TMIE: variants seen among roughly 807,000 people sequenced by gnomAD.
TMIE encodes the protein transmembrane inner ear expressed protein.
Under a neutral mutation model 16.8 loss-of-function variants are expected in TMIE, and 14 were observed. That is an observed-to-expected ratio of 0.83 (90% confidence interval 0.55 to 1.30). The LOEUF is 1.30. Ranked by LOEUF, TMIE falls within the 50% of genes most tolerant of loss-of-function variation. TMIE has a pLI of 0.00. For synonymous variants in TMIE, 75 were observed against 87.2 expected (o/e 0.86, Z 0.78); for missense variants, 204 against 205.9 (o/e 0.99, Z 0.06).
At position 46,702,412 on chromosome 3, in the gene TMIE, GC is replaced by G. The variant is rs770233326; in HGVS notation, c.93+834del. ...GCCAGGAAGGGTGGGGCCATCTGTA[GC>G]CTCCCTAACCCCCTTGTACCCCACT... On this transcript the variant is annotated intron_variant, in intron 1 of 3. Coordinates refer to ENST00000643606, the MANE Select transcript of TMIE (RefSeq NM_147196.3). Among the ~76,000 whole-genome samples the G allele has an allele frequency of 8.5e-5, 13 of 152,232 alleles. No individual in the cohort carries two copies. In the East Asian group the frequency reaches 2.1e-3, roughly 25 times the overall value.
At chr3:46,702,850 AG>A (rs1700494626) in intron 1 of TMIE, among the ~76,000 whole-genome samples, 1 of 151,922 alleles carries the variant, frequency 6.6e-6, no homozygotes, top group Non-Finnish European at 1.5e-5. Context: ...CTGTAAGGGG[AG>A]CTATGCTGGC....
intron 1 of TMIE, among the ~76,000 whole-genome samples, chr3:46,704,531 C>T (rs1452266815): frequency 4.4e-5 from 6 of 136,664 alleles, no homozygotes; most frequent in Non-Finnish European, 7.7e-5. Flanking sequence ...AGGGCAGGAC[C>T]GTGTCCCCTA....
At chr3:46,705,721 G>T in intron 1 of TMIE, 69 bp from the exon 2 acceptor site, 1 of 1,348,724 alleles carries the variant, frequency 7.4e-7, no homozygotes. Flanking sequence ...GCTGAGACCT[G>T]GGCCCTTCTC....
At chr3:46,699,567 A>C (rs1700446393), upstream of TMIE, among the ~76,000 whole-genome samples, 1 of 152,202 alleles carries the variant, frequency 6.6e-6, no homozygotes, top group Admixed American at 6.5e-5. Context: ...TCTGGGTACA[A>C]AAGTATACTA....
upstream of TMIE, among the ~76,000 whole-genome samples, chr3:46,698,557 G>A (rs1010887966): frequency 6.6e-6 from 1 of 152,104 alleles, no homozygotes; most frequent in African/African-American, 2.4e-5. Context: ...AAAGGTGTGA[G>A]CCACTGCACC....
intron 1 of TMIE, among the ~76,000 whole-genome samples, chr3:46,702,558 G>A (rs1284508714): frequency 2.6e-5 from 4 of 152,086 alleles, no homozygotes; most frequent in African/African-American, 9.7e-5. Context: ...AGGGGATGGA[G>A]GCTGTGCAGG....
chr3:46,695,921 A>T (rs775178054), intron 1 of TMIE, among the ~76,000 whole-genome samples: 1 of 152,136 alleles, frequency 6.6e-6, no homozygotes, highest in Non-Finnish European at 1.5e-5. Context: ...ATGGGGCAAG[A>T]CCTGCCCAGC....
At chr3:46,708,471 C>T (rs946519113) in intron 2 of TMIE, among the ~76,000 whole-genome samples, 2 of 152,232 alleles carry the variant, frequency 1.3e-5, no homozygotes, top group Non-Finnish European at 2.9e-5. Context: ...CCCTAACCTG[C>T]CCTACCCATC....
chr3:46,701,397 C>A lies in TMIE; in HGVS notation c.-91C>A. On this transcript the variant is annotated 5_prime_UTR_variant, in exon 1 of 4. Coordinates refer to ENST00000643606, the MANE Select transcript of TMIE (RefSeq NM_147196.3). This position sits in a 1 kb window ranked among gnomAD's most constrained non-coding sequence, Gnocchi z 4.3. Reference sequence around the variant, plus strand: ...GCTCGCTGACTACCCGTGGCCAAAGCCCGTGGCCACCGAGCGCCGGCTGGC... The same window carrying A: ...GCTCGCTGACTACCCGTGGCCAAAGACCGTGGCCACCGAGCGCCGGCTGGC... The A allele has an allele frequency of 9.3e-7, 1 of 1,075,710 alleles. No homozygotes were observed. The highest frequency in any genetic ancestry group is 3.1e-5 in the Admixed American group (1 of 32,366). The allele number at this position is 1,075,710 out of a possible 1,614,324, so 66.6% of individuals were successfully genotyped here. A position where few individuals can be genotyped will look rare whatever the true frequency, so the allele number is the denominator to read the frequency against.
upstream of TMIE, among the ~76,000 whole-genome samples, chr3:46,698,789 G>A (rs146555766): frequency 3.9e-5 from 6 of 152,054 alleles, no homozygotes; most frequent in Admixed American, 2.6e-4. Context: ...TGCTACTTTA[G>A]TTTTGTGAAT....
chr3:46,699,309 G>C (rs1159412180), upstream of TMIE, among the ~76,000 whole-genome samples: 1 of 152,138 alleles, frequency 6.6e-6, no homozygotes, highest in Non-Finnish European at 1.5e-5. Flanking sequence ...GACCTCGGGT[G>C]ATCTGCCCAC....
At chr3:46,707,983 G>A (rs2106785405) in intron 2 of TMIE, among the ~76,000 whole-genome samples, 1 of 152,312 alleles carries the variant, frequency 6.6e-6, no homozygotes, top group South Asian at 2.1e-4. Context: ...GTCTGCTCAG[G>A]TCCACCCCTG....
chr3:46,706,719 G>C (rs1439940269), intron 2 of TMIE, among the ~76,000 whole-genome samples: 7 of 152,132 alleles, frequency 4.6e-5, no homozygotes, highest in Non-Finnish European at 4.4e-5. Context: ...GAGGGTAGGT[G>C]GGGTTTTGCA....
chr3:46,700,495 T>C (rs1018452057), upstream of TMIE, among the ~76,000 whole-genome samples: 1 of 152,106 alleles, frequency 6.6e-6, no homozygotes, highest in Non-Finnish European at 1.5e-5. Context: ...GCCCAACACC[T>C]GGGCTGCTTC....
chr3:46,701,122 C>T (rs1700467411), upstream of TMIE, among the ~76,000 whole-genome samples: 1 of 151,788 alleles, frequency 6.6e-6, no homozygotes, highest in Admixed American at 6.6e-5. This position sits in a 1 kb window ranked among gnomAD's most constrained non-coding sequence, Gnocchi z 4.3. Flanking sequence ...CCAGTCCCAC[C>T]CCCTTGTCCC....
chr3:46,695,389 T>A (rs965257809), intron 1 of TMIE, among the ~76,000 whole-genome samples: 1 of 152,180 alleles, frequency 6.6e-6, no homozygotes, highest in Non-Finnish European at 1.5e-5. Context: ...GTAGTGCCCC[T>A]GCTGGTGAAA....
Position 46,709,568 on chromosome 3 carries a change from CT to C in TMIE, c.362-10del. On this transcript the variant is annotated splice_polypyrimidine_tract_variant and intron_variant, in intron 3 of 3. Transcript: ENST00000643606. ...ACCACTATCACATGGTCTCTTCCCCCTGCCCCACAGAGGATAAGAAGAAGAA... is the reference window on the plus strand; with the variant it reads ...ACCACTATCACATGGTCTCTTCCCCCGCCCCACAGAGGATAAGAAGAAGAA... 6.3e-7 allele frequency: 1 copy of C among 1,599,702 alleles called. No individual in the cohort carries two copies.
At chr3:46,696,149 A>T (rs1473848791) in intron 1 of TMIE, among the ~76,000 whole-genome samples, 1 of 152,186 alleles carries the variant, frequency 6.6e-6, no homozygotes, top group East Asian at 1.9e-4. Flanking sequence ...TCCCTGTGCC[A>T]CATGGACCCA....
rs995484275 is a variant in TMIE at position 46,707,330 on chromosome 3, C to T, written c.211+1423C>T. ...GAAAATTGCAGTGTCAGACCCCAAGCGGCACTTGGACATCAACCACACAGA... is the reference window on the plus strand; with the variant it reads ...GAAAATTGCAGTGTCAGACCCCAAGTGGCACTTGGACATCAACCACACAGA... On this transcript the variant is annotated intron_variant, in intron 2 of 3. Coordinates refer to ENST00000643606, the MANE Select transcript of TMIE (RefSeq NM_147196.3). Among the ~76,000 whole-genome samples, 6 of 152,200 alleles carry T rather than the reference C, an allele frequency of 3.9e-5. No individual in the cohort carries two copies. In the South Asian group the frequency reaches 8.3e-4, roughly 21 times the overall value.
Sources: gnomAD v4.1 joint callset for allele counts (sites outside exome capture counted in the v4.1 genomes callset) on GRCh38, gnomAD v4.1.1 for gene constraint, Gnocchi (gnomAD v3.1) non-coding constraint, MANE v1.5 for transcripts, NCBI Gene and HGNC (gene_info 2026-07-23, HGNC 2026-07-21) for gene names.